Variants in NTM observed in about 807,000 individuals in gnomAD.
The protein encoded by NTM is IgLON family member 2.
A neutral mutation model predicts 42.1 loss-of-function variants in NTM; 13 were observed. The ratio of observed to expected loss-of-function variants is 0.31; its 90% CI spans 0.20 to 0.49. The LOEUF (loss-of-function observed/expected upper bound fraction) is 0.49. Among genes scored for constraint, NTM ranks in the 20% least tolerant of loss-of-function variants. NTM has a pLI of 0.99. For missense variants in NTM, 373 were observed against 452.8 expected, an observed-to-expected ratio of 0.82 and a Z score of 1.60; for synonymous variants, 187 against 179.2, an observed-to-expected ratio of 1.04 and a Z score of -0.35.
At chr11:132,328,258 C>T (rs2095725767) in intron 7 of NTM, among the ~76,000 whole-genome samples, 1 of 152,126 alleles carries the variant, frequency 6.6e-6, no homozygotes, top group Admixed American at 6.5e-5. Flanking sequence ...TTGTGGCGGG[C>T]TAGAAGTGGG....
intron 1 of NTM, among the ~76,000 whole-genome samples, chr11:131,630,134 G>A (rs1224530314): frequency 6.6e-6 from 1 of 152,016 alleles, no homozygotes; most frequent in Non-Finnish European, 1.5e-5. Flanking sequence ...TTAATCACAC[G>A]GCTCCATCTA....
chr11:131,923,585 G>A (rs550222396), intron 2 of NTM, among the ~76,000 whole-genome samples: 1 of 152,142 alleles, frequency 6.6e-6, no homozygotes, highest in African/African-American at 2.4e-5. Flanking sequence ...GGAATCTAAA[G>A]GGCCTTTAAA....
At chr11:131,962,066 G>A (rs950282412) in intron 2 of NTM, among the ~76,000 whole-genome samples, 1 of 151,922 alleles carries the variant, frequency 6.6e-6, no homozygotes, top group African/African-American at 2.4e-5. Flanking sequence ...GTGGTTTGTG[G>A]GTGCCTACAC....
At chr11:132,013,549 T>C (rs1437752908) in intron 2 of NTM, among the ~76,000 whole-genome samples, 1 of 152,078 alleles carries the variant, frequency 6.6e-6, no homozygotes, top group East Asian at 1.9e-4. Flanking sequence ...AAAGTGGTGG[T>C]AAGATCAGTC....
chr11:131,963,958 A>G (rs565626156), intron 2 of NTM, among the ~76,000 whole-genome samples: 2 of 152,334 alleles, frequency 1.3e-5, no homozygotes, highest in East Asian at 3.9e-4. Flanking sequence ...AATCTGTCTT[A>G]GTATAACTAA....
In NTM at chr11:132,309,356, A is replaced by G. The variant is rs147305206; in HGVS notation, c.662-756A>G. 3.9e-4 allele frequency among the ~76,000 whole-genome samples: 60 copies of G among 152,328 alleles called. 1 individual carries two copies. Among genetic ancestry groups the G allele is most frequent in the African/African-American group, 1.4e-3 (58 of 41,576 alleles). ...AATACCAAGAATGACTGATCTGTAT[A>G]TCCTTCAGGCAATTCTCCTTGAATA... On this transcript the variant is annotated intron_variant, in intron 5 of 8. Transcript: ENST00000683400.
At chr11:131,370,951 A>G in intron 1 of NTM, 63 bp downstream of exon 1, 1 of 1,600,078 alleles carries the variant, frequency 6.2e-7, no homozygotes, top group South Asian at 1.1e-5. Context: ...GCTTTATAAG[A>G]TTTGCAGACT....
At chr11:132,318,620 A>G (rs963633646) in intron 7 of NTM, among the ~76,000 whole-genome samples, 7 of 152,086 alleles carry the variant, frequency 4.6e-5, no homozygotes, top group Non-Finnish European at 7.4e-5. Context: ...CTAAGCATCC[A>G]AGCAAGCAGT....
intron 2 of NTM, among the ~76,000 whole-genome samples, chr11:132,126,454 C>T (rs559675094): frequency 6.6e-6 from 1 of 152,166 alleles, no homozygotes; most frequent in South Asian, 2.1e-4. Flanking sequence ...TATGCAGAGG[C>T]TGACAAAATG....
intron 4 of NTM, among the ~76,000 whole-genome samples, chr11:132,254,146 A>G (rs764271583): frequency 1.6e-4 from 25 of 152,280 alleles, no homozygotes; most frequent in Non-Finnish European, 3.4e-4. Flanking sequence ...TAAAGCCGGC[A>G]GCCAGGCACT....
At chr11:131,383,971 G>A (rs940263865) in intron 1 of NTM, among the ~76,000 whole-genome samples, 4 of 152,142 alleles carry the variant, frequency 2.6e-5, no homozygotes, top group African/African-American at 7.2e-5. Context: ...GGAGGTAGAA[G>A]GGTTAAGACT....
intron 1 of NTM, among the ~76,000 whole-genome samples, chr11:131,516,272 T>C (rs1350957845): frequency 2.6e-5 from 4 of 152,210 alleles, no homozygotes; most frequent in Non-Finnish European, 2.9e-5. Flanking sequence ...ATAGAACAGA[T>C]GCTTAGTTTA....
intron 2 of NTM, among the ~76,000 whole-genome samples, chr11:131,987,955 C>T (rs2066357778): frequency 6.6e-6 from 1 of 152,204 alleles, no homozygotes; most frequent in African/African-American, 2.4e-5. Flanking sequence ...TTGCCTTAGT[C>T]CAATCTGGTT....
chr11:131,737,930 T>A (rs1457363520), intron 1 of NTM, among the ~76,000 whole-genome samples: 7 of 152,206 alleles, frequency 4.6e-5, no homozygotes, highest in Admixed American at 1.3e-4. Context: ...TTTTTTGATA[T>A]GAAAATTAAT....
At chr11:131,390,049 G>C (rs974254568) in intron 1 of NTM, among the ~76,000 whole-genome samples, 1 of 152,144 alleles carries the variant, frequency 6.6e-6, no homozygotes, top group African/African-American at 2.4e-5. Flanking sequence ...CCTGAGACTG[G>C]GCAATGTACA....
At chr11:131,983,668 G>A (rs1429367275) in intron 2 of NTM, among the ~76,000 whole-genome samples, 1 of 152,052 alleles carries the variant, frequency 6.6e-6, no homozygotes, top group Non-Finnish European at 1.5e-5. Context: ...GAGCCACCAC[G>A]ACTGGCTATA....
Position 132,016,766 on chromosome 11 carries a change from TTA to T in NTM, c.167+105120_167+105121del, listed in dbSNP as rs370706114. Among the ~76,000 whole-genome samples, 497 of 152,106 alleles carry T rather than the reference TTA, an allele frequency of 3.3e-3. 3 individuals carry two copies. Among genetic ancestry groups the T allele is most frequent in the African/African-American group, 0.011 (470 of 41,548 alleles). On this transcript the variant is annotated intron_variant, in intron 2 of 8. Coordinates refer to ENST00000683400, the MANE Select transcript of NTM (RefSeq NM_001352005.2). Reference sequence around the variant, plus strand: ...AACATTTTACATTTCCACCAACAATTTATGAGTTTTCTGTTTTCTCTAAATCC... The same window carrying T: ...AACATTTTACATTTCCACCAACAATTTGAGTTTTCTGTTTTCTCTAAATCC...
intron 3 of NTM, among the ~76,000 whole-genome samples, chr11:132,179,643 C>T (rs2077276473): frequency 1.3e-5 from 2 of 152,064 alleles, no homozygotes; most frequent in Admixed American, 6.6e-5. Flanking sequence ...TTTTGGAAGA[C>T]GGTTTGAAGA....
intron 4 of NTM, among the ~76,000 whole-genome samples, chr11:132,245,903 G>A (rs1253611422): frequency 1.3e-5 from 2 of 152,162 alleles, no homozygotes; most frequent in African/African-American, 4.8e-5. Context: ...AAGGCCAGTA[G>A]GAGTAGAAAG....
Sources: allele counts gnomAD v4.1 joint callset (sites outside exome capture counted in the v4.1 genomes callset), GRCh38; gene constraint gnomAD v4.1.1; transcripts MANE v1.5; gene names NCBI Gene and HGNC (gene_info 2026-07-23, HGNC 2026-07-21).